DMD: variants seen among roughly 807,000 people sequenced by gnomAD.
DMD encodes the protein mutant dystrophin.
A neutral mutation model predicts 330.1 loss-of-function variants in DMD; 63 were observed. The ratio of observed to expected loss-of-function variants is 0.19; its 90% confidence interval spans 0.16 to 0.24. DMD has a LOEUF of 0.24. Among genes scored for constraint, DMD ranks in the 10% least tolerant of loss-of-function variants. DMD has a pLI of 1.00. For synonymous variants in DMD, 1,223 were observed against 959.8 expected (o/e 1.27, Z -5.07); for missense variants, 3,344 against 2,684.1 (o/e 1.25, Z -5.43).
intron 47 of DMD, among the ~76,000 whole-genome samples, chrX:31,910,299 C>T (rs1164945483): frequency 9.1e-6 from 1 of 109,842 alleles, no homozygotes; most frequent in Non-Finnish European, 1.9e-5. Flanking sequence ...TCTCCCTTGC[C>T]AGGCAAGCAA....
intron 17 of DMD, among the ~76,000 whole-genome samples, chrX:32,539,312 G>A (rs1001936983): frequency 4.1e-4 from 45 of 110,202 alleles, no homozygotes; most frequent in African/African-American, 1.4e-3. Flanking sequence ...GTCAGCACCA[G>A]TCCTTATTTT....
intron 5 of DMD, among the ~76,000 whole-genome samples, chrX:32,822,317 C>CA (rs761041447): frequency 3.3e-3 from 365 of 110,329 alleles, no homozygotes; most frequent in African/African-American, 0.011. Flanking sequence ...GGCAATATAC[C>CA]AAATGCCACT....
intron 6 of DMD, among the ~76,000 whole-genome samples, chrX:32,812,103 C>T (rs1308092950): frequency 9.0e-6 from 1 of 110,937 alleles, no homozygotes; most frequent in Non-Finnish European, 1.9e-5. Context: ...AGTGGTTCTT[C>T]ACCTATTCTG....
intron 1 of DMD, among the ~76,000 whole-genome samples, chrX:33,224,027 A>G (rs111959046): frequency 0.011 from 1,206 of 112,312 alleles, 18 homozygotes; most frequent in African/African-American, 0.037. Context: ...TAAAACAACA[A>G]TGTGATGCTA....
intron 25 of DMD, among the ~76,000 whole-genome samples, chrX:32,460,868 A>C (rs2098380997): frequency 8.9e-6 from 1 of 111,905 alleles, no homozygotes; most frequent in Non-Finnish European, 1.9e-5. Flanking sequence ...TGTTGTGATA[A>C]TGTGTTAACC....
intron 20 of DMD, among the ~76,000 whole-genome samples, chrX:32,485,725 C>A (rs2042372250): frequency 1.5e-5 from 1 of 64,948 alleles, no homozygotes; most frequent in African/African-American, 4.3e-5. Flanking sequence ...ACCAAACAGG[C>A]AACCACTGCT....
chrX:32,035,325 C>T (rs757574533), intron 44 of DMD, among the ~76,000 whole-genome samples: 1 of 111,468 alleles, frequency 9.0e-6, no homozygotes, highest in African/African-American at 3.3e-5. Flanking sequence ...ATATAAAAAT[C>T]ACTCAATTTA....
At chrX:32,603,540 A>G (rs778945141) in intron 12 of DMD, among the ~76,000 whole-genome samples, 3 of 111,420 alleles carry the variant, frequency 2.7e-5, no homozygotes, top group African/African-American at 9.7e-5. Context: ...AACTGAGATA[A>G]TAAAAGACAA....
chrX:33,193,306 C>CA (rs1000964262), intron 1 of DMD, among the ~76,000 whole-genome samples: 4 of 110,983 alleles, frequency 3.6e-5, no homozygotes, highest in Non-Finnish European at 5.7e-5. Flanking sequence ...GACTCTGTCT[C>CA]AAAAAAAAGA....
chrX:33,219,306 T>TTGTGTGTGTGTGTGTGTGTG (rs56332488), intron 1 of DMD, among the ~76,000 whole-genome samples: 1 of 72,976 alleles, frequency 1.4e-5, no homozygotes, highest in Non-Finnish European at 2.8e-5. Context: ...TTAGAGATTA[T>TTGTGTGTGTGTGTGTGTGTG]TGTGTGTGTG....
chrX:32,846,184 C>A (rs1851337658), intron 3 of DMD, among the ~76,000 whole-genome samples: 1 of 111,706 alleles, frequency 9.0e-6, no homozygotes, highest in African/African-American at 3.3e-5. Flanking sequence ...CCCCGCCTTG[C>A]AAGGCAGTTA....
intron 67 of DMD, among the ~76,000 whole-genome samples, chrX:31,188,242 C>G (rs1253590634): frequency 9.0e-6 from 1 of 111,689 alleles, no homozygotes; most frequent in Non-Finnish European, 1.9e-5. Context: ...TATATTCCCT[C>G]TCCTTTTGTC....
chrX:32,334,246 G>A (rs1458059749), intron 41 of DMD, among the ~76,000 whole-genome samples: 2 of 111,595 alleles, frequency 1.8e-5, no homozygotes, highest in African/African-American at 6.5e-5. Flanking sequence ...TCTACAAACA[G>A]CTACATCCTG....
chrX:33,312,894 A>T (rs1052926049), intron 1 of DMD, among the ~76,000 whole-genome samples: 2 of 111,683 alleles, frequency 1.8e-5, no homozygotes, highest in Non-Finnish European at 3.8e-5. Context: ...GCTTAGGAAC[A>T]CTAGACAGAA....
At chrX:31,699,714 G>T (rs1480815445) in intron 52 of DMD, among the ~76,000 whole-genome samples, 1 of 111,618 alleles carries the variant, frequency 9.0e-6, no homozygotes, top group Non-Finnish European at 1.9e-5. Context: ...GAACTTAGGG[G>T]TAAAGGGAAC....
chrX:31,431,451 G>A (rs1229488044), intron 60 of DMD, among the ~76,000 whole-genome samples: 1 of 111,634 alleles, frequency 9.0e-6, no homozygotes, highest in Non-Finnish European at 1.9e-5. Context: ...CGGCTGGAGT[G>A]CAATGGCGTG....
At chrX:31,883,333 C>A (rs5972458) in intron 47 of DMD, among the ~76,000 whole-genome samples, 34,322 of 109,698 alleles carry the variant, frequency 0.31, 4,128 homozygotes, top group Non-Finnish European at 0.35. Context: ...AGGCTCATAA[C>A]TGGGAGGGAA....
intron 50 of DMD, among the ~76,000 whole-genome samples, chrX:31,815,247 C>T (rs2092590094): frequency 9.0e-6 from 1 of 111,610 alleles, no homozygotes; most frequent in Non-Finnish European, 1.9e-5. Context: ...GTCAGGAGTT[C>T]GAGACCAGCC....
At chrX:32,802,400 G>A (rs1032344711) in intron 7 of DMD, among the ~76,000 whole-genome samples, 1 of 111,584 alleles carries the variant, frequency 9.0e-6, no homozygotes, top group African/African-American at 3.3e-5. Flanking sequence ...GGAGATTTTC[G>A]GCTGAGATGA....
Sources: gnomAD v4.1 joint callset for allele counts (sites outside exome capture counted in the v4.1 genomes callset) on GRCh38, gnomAD v4.1.1 for gene constraint, MANE v1.5 for transcripts, NCBI Gene and HGNC (gene_info 2026-07-23, HGNC 2026-07-21) for gene names.